Variants in DLC1 observed in about 807,000 individuals in gnomAD.
DLC1 encodes the protein rho GTPase-activating protein 7.
DLC1 carries 54 observed loss-of-function variants against 140.3 expected under a neutral mutation model. The observed-to-expected ratio is 0.38, with a 90% CI of 0.31 to 0.48. The LOEUF is 0.48. Ranked by LOEUF, DLC1 falls within the 20% of genes least tolerant of loss-of-function variation. The pLI, the probability that DLC1 is intolerant of heterozygous loss-of-function variation, is 0.96. For missense variants in DLC1, 2,536 were observed against 1,907.0 expected (o/e 1.33, Z -6.14); for synonymous variants, 986 against 728.1 (o/e 1.35, Z -5.70).
intron 5 of DLC1, among the ~76,000 whole-genome samples, chr8:13,295,432 C>T (rs1349372072): frequency 6.6e-6 from 1 of 152,114 alleles, no homozygotes; most frequent in Non-Finnish European, 1.5e-5. Context: ...ATCCATGATC[C>T]ACACTTCTCC....
intron 4 of DLC1, among the ~76,000 whole-genome samples, chr8:13,326,716 C>A (rs899960673): frequency 1.3e-5 from 2 of 152,156 alleles, no homozygotes; most frequent in Admixed American, 6.5e-5. Flanking sequence ...ATCTACCGGG[C>A]CTGCTCTCAA....
rs192205821 is a variant in DLC1 at position 13,441,760 on chromosome 8, A to G, written c.1024-40141T>C. ...CCATGCTCATGGGTAGGAGGAATCAATATCGTGAACATGGCCATACTGCCC... is the reference window on the plus strand; with the variant it reads ...CCATGCTCATGGGTAGGAGGAATCAGTATCGTGAACATGGCCATACTGCCC... On this transcript the variant is annotated intron_variant, in intron 2 of 17. Coordinates refer to ENST00000276297, the MANE Select transcript of DLC1 (RefSeq NM_182643.3). Among the ~76,000 whole-genome samples, 404 of 152,300 alleles carry G rather than the reference A, an allele frequency of 2.7e-3. 1 individual carries two copies. Among genetic ancestry groups the G allele is most frequent in the African/African-American group, 9.5e-3 (394 of 41,570 alleles).
intron 5 of DLC1, among the ~76,000 whole-genome samples, chr8:13,208,359 A>G (rs562547754): frequency 2.0e-5 from 3 of 152,308 alleles, no homozygotes; most frequent in South Asian, 2.1e-4. Flanking sequence ...AACACAGCCA[A>G]AGATTTTTGT....
intron 4 of DLC1, among the ~76,000 whole-genome samples, chr8:13,369,050 G>C (rs758431428): frequency 6.6e-6 from 1 of 152,126 alleles, no homozygotes; most frequent in African/African-American, 2.4e-5. Flanking sequence ...TCAAACTCCT[G>C]ACCTCAAATG....
At chr8:13,378,646 C>T (rs574162612) in intron 4 of DLC1, among the ~76,000 whole-genome samples, 2 of 152,080 alleles carry the variant, frequency 1.3e-5, no homozygotes, top group Non-Finnish European at 2.9e-5. Context: ...AATTCAGACA[C>T]CTTATTACAT....
At chr8:13,577,267 G>A (rs12540986) in intron 1 of DLC1, among the ~76,000 whole-genome samples, 32,551 of 152,064 alleles carry the variant, frequency 0.21, 3,586 homozygotes, top group East Asian at 0.31. Context: ...CAGTAGGGAG[G>A]GAGGTCTATA....
intron 5 of DLC1, among the ~76,000 whole-genome samples, chr8:13,303,549 C>T (rs975844942): frequency 6.6e-6 from 1 of 152,168 alleles, no homozygotes; most frequent in African/African-American, 2.4e-5. Context: ...CACCTGTAAT[C>T]CCAGCACTTT....
At chr8:13,404,873 C>T (rs1180097708) in intron 2 of DLC1, among the ~76,000 whole-genome samples, 1 of 151,944 alleles carries the variant, frequency 6.6e-6, no homozygotes, top group Non-Finnish European at 1.5e-5. Flanking sequence ...AGGCATGGTA[C>T]TGGGCACCTG....
At position 13,499,088 on chromosome 8, in the gene DLC1, C is replaced by G. The variant is rs748832111; in HGVS notation, c.984G>C (p.Gln328His). Residue 328 changes from glutamine to histidine, a missense_variant, in exon 2 of 18, where the codon CAG (glutamine) becomes CAC (histidine). Coordinates refer to ENST00000276297, the MANE Select transcript of DLC1 (RefSeq NM_182643.3). The stretch of plus-strand genomic sequence containing the variant: ...GTCTGACTTGGTTATCTGTGGGTTC[C>G]TGGGTGGCCAGGGTCTCCTTTAATT... ...CLQLKETLAT[Q>H]EPTDNQVRLR... 6.2e-7 allele frequency: 1 copy of G among 1,613,710 alleles called. No homozygotes were observed. The highest frequency in any genetic ancestry group is 2.2e-5 in the East Asian group (1 of 44,872).
chr8:13,144,508 G>A (rs1174238002), intron 5 of DLC1, among the ~76,000 whole-genome samples: 4 of 152,186 alleles, frequency 2.6e-5, no homozygotes, highest in Admixed American at 1.3e-4. Flanking sequence ...GCTCATGCCT[G>A]TAATATCAGC....
At chr8:13,422,761 A>G (rs1444938435) in intron 2 of DLC1, among the ~76,000 whole-genome samples, 1 of 152,042 alleles carries the variant, frequency 6.6e-6, no homozygotes, top group Non-Finnish European at 1.5e-5. Context: ...TAAGGAGTTG[A>G]TACTACATCT....
At position 13,260,539 on chromosome 8, in the gene DLC1, A is replaced by G. The variant is rs546929457; in HGVS notation, c.1348+44730T>C. On this transcript the variant is annotated intron_variant, in intron 5 of 17. Coordinates refer to ENST00000276297, the MANE Select transcript of DLC1 (RefSeq NM_182643.3). Reference sequence around the variant, plus strand: ...TAATTCCATTTTAATGTGAAGTTGCATGATACCCATCTACTGGAAAATGTC... The same window carrying G: ...TAATTCCATTTTAATGTGAAGTTGCGTGATACCCATCTACTGGAAAATGTC... Among the ~76,000 whole-genome samples the G allele has an allele frequency of 5.3e-5, 8 of 152,328 alleles. No homozygotes were observed. In the East Asian group the frequency reaches 1.5e-3, roughly 29 times the overall value.
intron 5 of DLC1, among the ~76,000 whole-genome samples, chr8:13,249,945 C>G (rs1345913885): frequency 6.6e-6 from 1 of 152,110 alleles, no homozygotes; most frequent in Non-Finnish European, 1.5e-5. Flanking sequence ...TTGTTTTTGC[C>G]TGCCAGAACC....
At chr8:13,173,294 C>G (rs1825582619) in intron 5 of DLC1, among the ~76,000 whole-genome samples, 1 of 151,274 alleles carries the variant, frequency 6.6e-6, no homozygotes. Flanking sequence ...TTCTTCATTT[C>G]GAGAGCAGTC....
In DLC1 at chr8:13,500,207, A is replaced by T. The variant is rs1008100420; in HGVS notation, c.-125-11T>A. Reference sequence around the variant, plus strand: ...CTGTCATTTCACCACCTATTAAAAAATTCAAAAAAATATGTAGTCGCAGAT... The same window carrying T: ...CTGTCATTTCACCACCTATTAAAAATTTCAAAAAAATATGTAGTCGCAGAT... On this transcript the variant is annotated splice_polypyrimidine_tract_variant and intron_variant, in intron 1 of 17. Coordinates refer to ENST00000276297, the MANE Select transcript of DLC1 (RefSeq NM_182643.3). 1 of 741,996 alleles carries T rather than the reference A, an allele frequency of 1.3e-6. No individual in the cohort carries two copies. Among genetic ancestry groups the T allele is most frequent in the Non-Finnish European group, 2.1e-6 (1 of 475,116 alleles). 46.0% of individuals were successfully genotyped at this position (741,996 alleles called of 1,614,324 possible). A position where few individuals can be genotyped will look rare whatever the true frequency, so the allele number is the denominator to read the frequency against.
chr8:13,464,766 T>TTTA (rs1799850915), intron 2 of DLC1, among the ~76,000 whole-genome samples: 11 of 7,548 alleles, frequency 1.5e-3, no homozygotes, highest in African/African-American at 4.1e-3. Flanking sequence ...ATATATATAT[T>TTTA]TATATATATA....
At chr8:13,223,449 C>T (rs1828652775) in intron 5 of DLC1, among the ~76,000 whole-genome samples, 1 of 152,066 alleles carries the variant, frequency 6.6e-6, no homozygotes, top group South Asian at 2.1e-4. Flanking sequence ...TTGTATCTTT[C>T]CCTTGCTCTT....
At chr8:13,385,109 G>T (rs1421170423) in intron 4 of DLC1, among the ~76,000 whole-genome samples, 1 of 152,134 alleles carries the variant, frequency 6.6e-6, no homozygotes. Context: ...TAGAGTGCAT[G>T]GTGGGAGCGG....
chr8:13,342,637 G>GT (rs1208736237), intron 4 of DLC1: 4 of 152,136 alleles, frequency 2.6e-5, no homozygotes, highest in African/African-American at 9.7e-5. Flanking sequence ...AAGGAATTGG[G>GT]ACTAAAGACT....
Sources: allele counts gnomAD v4.1 joint callset (sites outside exome capture counted in the v4.1 genomes callset), GRCh38; gene constraint gnomAD v4.1.1; transcripts MANE v1.5; gene names NCBI Gene and HGNC (gene_info 2026-07-23, HGNC 2026-07-21).